CSMD1: variants seen among roughly 807,000 people sequenced by gnomAD.
The protein encoded by CSMD1 is CUB and Sushi multiple domains 1, also known as CUB and sushi domain-containing protein 1.
CSMD1 carries 213 observed loss-of-function variants against 417.5 expected under a neutral mutation model. The observed-to-expected ratio is 0.51, with a 90% CI of 0.46 to 0.57. CSMD1 has a LOEUF of 0.57. Ranked by LOEUF, CSMD1 falls within the 20% of genes least tolerant of loss-of-function variation. The pLI, the probability that CSMD1 is intolerant of heterozygous loss-of-function variation, is 0.00. For synonymous variants in CSMD1, 2,862 were observed against 1,736.8 expected, an observed-to-expected ratio of 1.65 and a Z score of -16.11; for missense variants, 6,923 against 4,529.7, an observed-to-expected ratio of 1.53 and a Z score of -15.17.
At chr8:4,470,475 T>G (rs971052385) in intron 2 of CSMD1, among the ~76,000 whole-genome samples, 11 of 152,234 alleles carry the variant, frequency 7.2e-5, no homozygotes, top group Non-Finnish European at 2.9e-5. Context: ...GGCAGCTCAA[T>G]GCTTAACTGG....
chr8:4,606,692 A>G (rs1394404300), intron 2 of CSMD1, among the ~76,000 whole-genome samples: 2 of 152,182 alleles, frequency 1.3e-5, no homozygotes, highest in Non-Finnish European at 2.9e-5. Context: ...TGTACATAAT[A>G]TTGTATTATT....
intron 3 of CSMD1, among the ~76,000 whole-genome samples, chr8:4,153,138 C>G (rs551719432): frequency 1.3e-5 from 2 of 152,102 alleles, no homozygotes; most frequent in Non-Finnish European, 2.9e-5. Context: ...GTATTGAATA[C>G]TGAATCTTGA....
chr8:3,594,206 C>G (rs1800986959), intron 8 of CSMD1, among the ~76,000 whole-genome samples: 2 of 152,160 alleles, frequency 1.3e-5, no homozygotes, highest in Non-Finnish European at 2.9e-5. Flanking sequence ...CCCAAATGCA[C>G]CAGACATGAG....
intron 1 of CSMD1, among the ~76,000 whole-genome samples, chr8:4,693,942 G>T (rs553561796): frequency 6.6e-6 from 1 of 152,222 alleles, no homozygotes; most frequent in Non-Finnish European, 1.5e-5. Context: ...TTTCTTTATT[G>T]TCCATGTCAT....
intron 3 of CSMD1, among the ~76,000 whole-genome samples, chr8:4,151,377 T>C (rs938136550): frequency 1.2e-4 from 19 of 152,228 alleles, no homozygotes; most frequent in African/African-American, 4.6e-4. Flanking sequence ...ATTCAGTTTC[T>C]AGATCCTGCT....
chr8:3,391,755 G>T (rs1033039064), intron 17 of CSMD1, among the ~76,000 whole-genome samples: 1 of 152,180 alleles, frequency 6.6e-6, no homozygotes, highest in Non-Finnish European at 1.5e-5. Flanking sequence ...AGTCAGCCTC[G>T]AGTACCTGTG....
chr8:3,148,459 G>C (rs1049202404), intron 40 of CSMD1, among the ~76,000 whole-genome samples: 1 of 152,166 alleles, frequency 6.6e-6, no homozygotes, highest in African/African-American at 2.4e-5. Context: ...ATCTGACTCA[G>C]AGGAAATCAT....
chr8:4,753,790 C>G (rs1180091823), intron 1 of CSMD1, among the ~76,000 whole-genome samples: 1 of 152,198 alleles, frequency 6.6e-6, no homozygotes, highest in African/African-American at 2.4e-5. Context: ...CCCACCACTG[C>G]CTCCTCCTTT....
At chr8:4,291,474 T>A (rs941684469) in intron 3 of CSMD1, among the ~76,000 whole-genome samples, 1 of 152,194 alleles carries the variant, frequency 6.6e-6, no homozygotes, top group Non-Finnish European at 1.5e-5. Context: ...TTTTCTTTTT[T>A]ATCTACTAAT....
At chr8:3,753,308 G>C (rs142022586) in intron 6 of CSMD1, among the ~76,000 whole-genome samples, 566 of 152,188 alleles carry the variant, frequency 3.7e-3, no homozygotes, top group African/African-American at 0.013. Flanking sequence ...GTGTTAATAA[G>C]GATTACTCAT....
chr8:4,285,882 G>T (rs140054044), intron 3 of CSMD1, among the ~76,000 whole-genome samples: 2 of 152,104 alleles, frequency 1.3e-5, no homozygotes, highest in African/African-American at 4.8e-5. Flanking sequence ...TTCCAGCCTG[G>T]AAAGTAATCC....
chr8:4,596,639 T>C (rs1001671607), intron 2 of CSMD1, among the ~76,000 whole-genome samples: 1 of 152,222 alleles, frequency 6.6e-6, no homozygotes, highest in Admixed American at 6.5e-5. Flanking sequence ...ACTTTGTTGT[T>C]GTTATTTCCT....
chr8:4,370,096 A>G (rs1309602161), intron 3 of CSMD1, among the ~76,000 whole-genome samples: 1 of 152,022 alleles, frequency 6.6e-6, no homozygotes, highest in Admixed American at 6.6e-5. Context: ...TTTCATTTCC[A>G]TATTTAGCAT....
chr8:4,280,910 T>G (rs1382928744), intron 3 of CSMD1, among the ~76,000 whole-genome samples: 2 of 152,216 alleles, frequency 1.3e-5, no homozygotes, highest in Non-Finnish European at 2.9e-5. Flanking sequence ...TCATGGAAGT[T>G]GCAATTGCAA....
rs577514964 is a variant in CSMD1, at chr8:4,981,934, T to A, written c.85+12398A>T. Among the ~76,000 whole-genome samples, 7 of 152,184 alleles carry A rather than the reference T, an allele frequency of 4.6e-5. No individual in the cohort carries two copies. In the South Asian group the frequency reaches 1.4e-3, roughly 32 times the overall value. ...ACTCCTAACCTGGTTTGAGCCATGC[T>A]AGGAAGTCCCAGGTGACAACCGTGT... On this transcript the variant is annotated intron_variant, in intron 1 of 69. Coordinates refer to ENST00000635120, the MANE Select transcript of CSMD1 (RefSeq NM_033225.6).
chr8:3,287,861 G>C (rs1236278545), intron 25 of CSMD1, among the ~76,000 whole-genome samples: 1 of 148,042 alleles, frequency 6.8e-6, no homozygotes, highest in Non-Finnish European at 1.5e-5. Context: ...TGGTGAGAGA[G>C]GGCATCCCTC....
At chr8:3,533,120 T>A (rs574790366) in intron 10 of CSMD1, among the ~76,000 whole-genome samples, 4 of 152,180 alleles carry the variant, frequency 2.6e-5, no homozygotes, top group Non-Finnish European at 5.9e-5. Flanking sequence ...AGGAAAAGCA[T>A]GAAAGGACTT....
intron 6 of CSMD1, among the ~76,000 whole-genome samples, chr8:3,749,379 A>T (rs982528500): frequency 3.9e-5 from 6 of 152,210 alleles, no homozygotes; most frequent in African/African-American, 1.4e-4. Flanking sequence ...AATAGATTTT[A>T]AGAGTAGCAA....
intron 3 of CSMD1, among the ~76,000 whole-genome samples, chr8:4,144,374 T>C (rs939047953): frequency 6.6e-6 from 1 of 151,150 alleles, no homozygotes; most frequent in Non-Finnish European, 1.5e-5. Context: ...TAAGGGTGTG[T>C]TTTTAGAACT....
Sources: gnomAD v4.1 joint callset for allele counts (sites outside exome capture counted in the v4.1 genomes callset) on GRCh38, gnomAD v4.1.1 for gene constraint, MANE v1.5 for transcripts, NCBI Gene and HGNC (gene_info 2026-07-23, HGNC 2026-07-21) for gene names.